Variants in STK32B observed in about 807,000 individuals in gnomAD.
The protein encoded by STK32B is serine/threonine kinase 32B.
STK32B carries 43 observed loss-of-function variants against 52.6 expected under a neutral mutation model. That is an observed-to-expected ratio of 0.82 (90% confidence interval 0.64 to 1.05). The LOEUF (loss-of-function observed/expected upper bound fraction) is 1.05. Among genes scored for constraint, STK32B ranks in the 50% least tolerant of loss-of-function variants. The pLI is 0.00. For synonymous variants in STK32B, 238 were observed against 204.3 expected (o/e 1.17, Z -1.41); for missense variants, 621 against 534.6 (o/e 1.16, Z -1.59).
chr4:5,020,039 G>A, the STK32B span, among the ~76,000 whole-genome samples: 2 of 152,174 alleles, frequency 1.3e-5, no homozygotes, highest in East Asian at 1.9e-4. Context: ...CTCAGAAGCC[G>A]TGTGTGTCTC....
At chr4:5,496,186 G>T (rs1197692436) in intron 11 of STK32B, among the ~76,000 whole-genome samples, 1 of 152,240 alleles carries the variant, frequency 6.6e-6, no homozygotes, top group African/African-American at 2.4e-5. Flanking sequence ...CAGAGGTGGA[G>T]CCTACAGAGG....
At chr4:5,051,102 C>A (rs1158413772), upstream of STK32B, among the ~76,000 whole-genome samples, 2 of 152,180 alleles carry the variant, frequency 1.3e-5, no homozygotes, top group African/African-American at 4.8e-5. Flanking sequence ...CTCCACTGCC[C>A]ATCCCAATAT....
At chr4:5,204,504 C>G (rs1257503780) in intron 3 of STK32B, among the ~76,000 whole-genome samples, 5 of 81,910 alleles carry the variant, frequency 6.1e-5, no homozygotes, top group Admixed American at 2.6e-4. Context: ...GAGTCTCACT[C>G]TGTTACCCAG....
intron 9 of STK32B, among the ~76,000 whole-genome samples, chr4:5,465,931 G>A (rs2109163780): frequency 6.6e-6 from 1 of 152,298 alleles, no homozygotes; most frequent in African/African-American, 2.4e-5. Flanking sequence ...GGGAATTATT[G>A]TTACCCAAAC....
intron 11 of STK32B, among the ~76,000 whole-genome samples, chr4:5,496,548 C>CTTGCTTCTGCTCGCGCACGGTGCG (rs1720272013): frequency 7.3e-6 from 1 of 137,920 alleles, no homozygotes; most frequent in East Asian, 2.0e-4. Flanking sequence ...AATGCCTTGC[C>CTTGCTTCTGCTCGCGCACGGTGCG]CTGCACCCAC....
At chr4:5,422,534 C>T (rs1388851025) in intron 6 of STK32B, among the ~76,000 whole-genome samples, 1 of 152,170 alleles carries the variant, frequency 6.6e-6, no homozygotes, top group East Asian at 1.9e-4. Flanking sequence ...AAAAAGATCT[C>T]TCTAAAATGT....
At position 5,311,341 on chromosome 4, in the gene STK32B, G is replaced by A. The variant is rs187154831; in HGVS notation, c.261-19879G>A. On this transcript the variant is annotated intron_variant, in intron 3 of 11. Coordinates refer to ENST00000282908, the MANE Select transcript of STK32B (RefSeq NM_018401.3). ...GTATCAAAATATCACACAGTACCTC[G>A]TAAATACGTACAATTACTGTGGGTC... 4.5e-3 allele frequency among the ~76,000 whole-genome samples: 686 copies of A among 152,042 alleles called. 4 individuals carry two copies. The highest frequency in any genetic ancestry group is 0.015 in the African/African-American group (630 of 41,480).
At position 5,395,921 on chromosome 4, in the gene STK32B, C is replaced by A. The variant is rs549034958; in HGVS notation, c.435-2286C>A. On this transcript the variant is annotated intron_variant, in intron 4 of 11. Coordinates refer to ENST00000282908, the MANE Select transcript of STK32B (RefSeq NM_018401.3). This position sits in a 1 kb window ranked among gnomAD's most constrained non-coding sequence, Gnocchi z 4.4. ...CCACATCCGTGCCCCATTCTGTTCTCAGGATATGAGACAATGTGCGCCGGT... is the reference window on the plus strand; with the variant it reads ...CCACATCCGTGCCCCATTCTGTTCTAAGGATATGAGACAATGTGCGCCGGT... Among the ~76,000 whole-genome samples the A allele has an allele frequency of 6.6e-6, 1 of 152,306 alleles. No individual in the cohort carries two copies. The highest frequency in any genetic ancestry group is 2.1e-4 in the South Asian group (1 of 4,826).
At chr4:5,080,052 G>GACTAGTGTT (rs1553819879) in intron 1 of STK32B, among the ~76,000 whole-genome samples, 2 of 151,530 alleles carry the variant, frequency 1.3e-5, no homozygotes, top group Non-Finnish European at 2.9e-5. Context: ...ACGGCATGGT[G>GACTAGTGTT]ACTAGAGTTA....
At chr4:5,443,432 C>G (rs939113048) in intron 6 of STK32B, among the ~76,000 whole-genome samples, 3 of 151,878 alleles carry the variant, frequency 2.0e-5, no homozygotes, top group African/African-American at 7.3e-5. Context: ...ACGTAGTTCT[C>G]GAGCCTTGGT....
intron 1 of STK32B, chr4:5,139,481 G>A (rs1194904458): frequency 5.6e-6 from 1 of 178,756 alleles, no homozygotes; most frequent in African/African-American, 2.3e-5. Flanking sequence ...GGAGGACAAG[G>A]CTGAGTGTGC....
chr4:5,251,587 T>C (rs1186297717), intron 3 of STK32B, among the ~76,000 whole-genome samples: 1 of 152,130 alleles, frequency 6.6e-6, no homozygotes, highest in Non-Finnish European at 1.5e-5. Context: ...TCCATATGAA[T>C]TTTATAATTT....
At chr4:5,446,885 G>C (rs889351280) in intron 7 of STK32B, 109 bp downstream of exon 7, 7 of 1,005,462 alleles carry the variant, frequency 7.0e-6, no homozygotes, top group Non-Finnish European at 1.0e-5. Flanking sequence ...GGAGCACTGG[G>C]GGAGTCACTG....
Position 5,398,143 on chromosome 4 carries a change from T to C in STK32B, c.435-64T>C. 1 of 1,592,194 alleles carries C rather than the reference T, an allele frequency of 6.3e-7. No homozygotes were observed. Among genetic ancestry groups the C allele is most frequent in the South Asian group, 1.1e-5 (1 of 88,614 alleles). On this transcript the variant is annotated intron_variant, in intron 4 of 11. Coordinates refer to ENST00000282908, the MANE Select transcript of STK32B (RefSeq NM_018401.3). This position sits in a 1 kb window ranked among gnomAD's most constrained non-coding sequence, Gnocchi z 4.9. ...TCCAGCATTTGTCCTGATGTGGTGC[T>C]TGTCTATGTGCTCATCTGTGGGCTC...
At chr4:5,297,293 C>A (rs1729265142) in intron 3 of STK32B, among the ~76,000 whole-genome samples, 1 of 152,040 alleles carries the variant, frequency 6.6e-6, no homozygotes, top group Non-Finnish European at 1.5e-5. Context: ...TAGTGGTGTT[C>A]TCTGTATTTC....
rs1257291518 is a variant in STK32B, at chr4:5,093,725, C to T, written c.52+41810C>T. ...CTTAAAGTATAATGAAAAAAAATGC[C>T]ATGTGATGCTAATAATCTCCAGGTG... On this transcript the variant is annotated intron_variant, in intron 1 of 11. Coordinates refer to ENST00000282908, the MANE Select transcript of STK32B (RefSeq NM_018401.3). 3.3e-5 allele frequency among the ~76,000 whole-genome samples: 5 copies of T among 152,048 alleles called. No individual in the cohort carries two copies. In the South Asian group the frequency reaches 1.0e-3, roughly 32 times the overall value.
intron 1 of STK32B, among the ~76,000 whole-genome samples, chr4:5,072,699 T>A (rs995522752): frequency 2.0e-5 from 3 of 152,194 alleles, no homozygotes; most frequent in African/African-American, 4.8e-5. Context: ...TTGAAAGGAA[T>A]ATATATCCTT....
At chr4:5,311,291 T>G (rs1730273989) in intron 3 of STK32B, among the ~76,000 whole-genome samples, 1 of 152,186 alleles carries the variant, frequency 6.6e-6, no homozygotes, top group Non-Finnish European at 1.5e-5. Flanking sequence ...TTACTCTGAT[T>G]TTTATCATTA....
At chr4:5,132,841 T>G (rs534479648) in intron 1 of STK32B, among the ~76,000 whole-genome samples, 1 of 152,098 alleles carries the variant, frequency 6.6e-6, no homozygotes, top group South Asian at 2.1e-4. Context: ...TTACCCAGGC[T>G]GGAGTGGAGT....
Sources: gnomAD v4.1 joint callset for allele counts (sites outside exome capture counted in the v4.1 genomes callset) on GRCh38, gnomAD v4.1.1 for gene constraint, Gnocchi (gnomAD v3.1) non-coding constraint, MANE v1.5 for transcripts, NCBI Gene and HGNC (gene_info 2026-07-23, HGNC 2026-07-21) for gene names.